Variants in UBE2L3 observed in about 807,000 individuals in gnomAD.
UBE2L3 encodes ubiquitin-conjugating enzyme E2 L3.
UBE2L3 carries 1 observed loss-of-function variant against 17.8 expected under a neutral mutation model. The ratio of observed to expected loss-of-function variants is 0.06; its 90% CI spans 0.02 to 0.27. UBE2L3 has a LOEUF of 0.27. Ranked by LOEUF, UBE2L3 falls within the 10% of genes least tolerant of loss-of-function variation. UBE2L3 has a pLI of 1.00. For synonymous variants in UBE2L3, 44 were observed against 68.5 expected (o/e 0.64, Z 1.76); for missense variants, 40 against 192.6 (o/e 0.21, Z 4.69).
At chr22:21,601,815 CA>C (rs1928875065) in intron 2 of UBE2L3, among the ~76,000 whole-genome samples, 2 of 151,066 alleles carry the variant, frequency 1.3e-5, no homozygotes, top group Admixed American at 1.3e-4. Flanking sequence ...ACTAAAAATA[CA>C]AAAAAATTAG....
At chr22:21,621,235 TAGGTC>T (rs961111309) in intron 3 of UBE2L3, among the ~76,000 whole-genome samples, 5 of 152,160 alleles carry the variant, frequency 3.3e-5, no homozygotes, top group African/African-American at 1.2e-4. Flanking sequence ...CCCCAGGTGT[TAGGTC>T]AGGAAGGCTT....
rs1930079725 is a variant in UBE2L3, at chr22:21,622,452, G to A, written c.*783G>A. 6.5e-6 allele frequency: 1 copy of A among 152,836 alleles called. No individual in the cohort carries two copies. Among genetic ancestry groups the A allele is most frequent in the Non-Finnish European group, 1.5e-5 (1 of 68,090 alleles). The allele number at this position is 152,836 out of a possible 1,614,324, so 9.5% of individuals were successfully genotyped here. A position where few individuals can be genotyped will look rare whatever the true frequency, so the allele number is the denominator to read the frequency against. ...TAGTCAGGAGGATGCTGTGCACACT[G>A]TGTGTGATGAATCTCGCCAGAAAGG... On this transcript the variant is annotated 3_prime_UTR_variant, in exon 4 of 4. Transcript: ENST00000342192.
upstream of UBE2L3, among the ~76,000 whole-genome samples, chr22:21,566,338 C>T (rs372574444): frequency 8.2e-4 from 125 of 152,064 alleles, no homozygotes; most frequent in African/African-American, 3.0e-3. Flanking sequence ...AATCCCACCA[C>T]TTTGGGAGGT....
intron 1 of UBE2L3, among the ~76,000 whole-genome samples, chr22:21,590,807 T>A (rs5749502): frequency 0.19 from 28,422 of 152,130 alleles, 3,478 homozygotes; most frequent in East Asian, 0.41. Flanking sequence ...TGGAACTGTA[T>A]TTATAGAAAA....
At chr22:21,612,357 C>T (rs1221146918) in intron 3 of UBE2L3, among the ~76,000 whole-genome samples, 3 of 152,068 alleles carry the variant, frequency 2.0e-5, no homozygotes, top group Non-Finnish European at 2.9e-5. Flanking sequence ...AACGGAGTCT[C>T]GCTCTGTCAC....
intron 3 of UBE2L3, among the ~76,000 whole-genome samples, chr22:21,619,437 C>A (rs894914434): frequency 2.6e-5 from 4 of 152,100 alleles, no homozygotes; most frequent in Non-Finnish European, 5.9e-5. Flanking sequence ...TGCCCATCCA[C>A]CCCCAACAAA....
chr22:21,582,700 A>G (rs1471766679), intron 1 of UBE2L3, among the ~76,000 whole-genome samples: 1 of 151,504 alleles, frequency 6.6e-6, no homozygotes, highest in Non-Finnish European at 1.5e-5. Context: ...TAATTTTTGT[A>G]TTTTTAGTAG....
intron 2 of UBE2L3, among the ~76,000 whole-genome samples, chr22:21,603,007 A>AC (rs1319292775): frequency 6.6e-6 from 1 of 152,092 alleles, no homozygotes; most frequent in African/African-American, 2.4e-5. Flanking sequence ...GTGTTAGGGG[A>AC]CCAGGAGGGG....
chr22:21,616,622 A>T (rs1353026931), intron 3 of UBE2L3, among the ~76,000 whole-genome samples: 2 of 151,258 alleles, frequency 1.3e-5, no homozygotes, highest in African/African-American at 4.9e-5. Flanking sequence ...ACTGCACTCC[A>T]GCCTGGGTGA....
At chr22:21,564,771 T>C (rs560824838), upstream of UBE2L3, among the ~76,000 whole-genome samples, 21 of 152,306 alleles carry the variant, frequency 1.4e-4, no homozygotes, top group Non-Finnish European at 2.5e-4. Flanking sequence ...TCCGTAATTC[T>C]CCACAGAGGA....
chr22:21,618,303 C>A (rs563691478), intron 3 of UBE2L3, among the ~76,000 whole-genome samples: 3 of 151,816 alleles, frequency 2.0e-5, no homozygotes, highest in African/African-American at 7.3e-5. Context: ...CAGTGGCTCA[C>A]GCCTGTAATC....
Position 21,603,251 on chromosome 22 carries a change from G to C in UBE2L3, c.124-7606G>C, listed in dbSNP as rs1026934730. On this transcript the variant is annotated intron_variant, in intron 2 of 3. Coordinates refer to ENST00000342192, the MANE Select transcript of UBE2L3 (RefSeq NM_003347.4). The stretch of plus-strand genomic sequence containing the variant: ...TTCTTTATAAATAGCAAGTGGGCCG[G>C]GTGCGGTGGCTCACACCTGTAATCC... Among the ~76,000 whole-genome samples the C allele has an allele frequency of 2.6e-5, 4 of 152,120 alleles. 1 individual carries two copies. Among genetic ancestry groups the C allele is most frequent in the South Asian group, 4.1e-4 (2 of 4,826 alleles).
chr22:21,588,942 G>A (rs368508681), intron 1 of UBE2L3, among the ~76,000 whole-genome samples: 8 of 152,192 alleles, frequency 5.3e-5, no homozygotes, highest in African/African-American at 2.4e-5. Flanking sequence ...GATTACAGGC[G>A]TGAGCCACTG....
upstream of UBE2L3, among the ~76,000 whole-genome samples, chr22:21,567,257 G>T (rs974598404): frequency 6.6e-6 from 1 of 151,992 alleles, no homozygotes; most frequent in African/African-American, 2.4e-5. Context: ...TCTGCCTCCC[G>T]GGTTCAAGCG....
intron 2 of UBE2L3, among the ~76,000 whole-genome samples, chr22:21,598,687 C>T (rs538190897): frequency 1.3e-5 from 2 of 151,416 alleles, no homozygotes; most frequent in African/African-American, 4.9e-5. Context: ...AGCAGGACCC[C>T]GTCTCTATTT....
rs138725780 is a variant in UBE2L3, at chr22:21,614,696, A to G, written c.310+3653A>G. ...CATAATGGAAGAAATAGTAATATGA[A>G]AAGATGCTCATATGACCCAGCAATT... is the stretch of plus-strand genomic sequence containing the variant. On this transcript the variant is annotated intron_variant, in intron 3 of 3. Coordinates refer to ENST00000342192, the MANE Select transcript of UBE2L3 (RefSeq NM_003347.4). The G allele has an allele frequency of 9.7e-5, 126 of 1,301,700 alleles. No individual in the cohort carries two copies. The African/African-American group carries it at 1.7e-3, about 18-fold the overall frequency. 80.6% of individuals were successfully genotyped at this position (1,301,700 alleles called of 1,614,324 possible). A position where few individuals can be genotyped will look rare whatever the true frequency, so the allele number is the denominator to read the frequency against.
chr22:21,618,342 A>G (rs1929884688), intron 3 of UBE2L3, among the ~76,000 whole-genome samples: 1 of 152,090 alleles, frequency 6.6e-6, no homozygotes. Context: ...AGGCAGGTGG[A>G]TCACGAGGTC....
At chr22:21,585,667 T>G (rs566753088) in intron 1 of UBE2L3, among the ~76,000 whole-genome samples, 2 of 152,260 alleles carry the variant, frequency 1.3e-5, no homozygotes, top group Non-Finnish European at 2.9e-5. Flanking sequence ...AGAGAGGCTT[T>G]CAATGATGAG....
intron 3 of UBE2L3, among the ~76,000 whole-genome samples, chr22:21,621,231 G>A (rs1015197335): frequency 3.3e-5 from 5 of 152,172 alleles, no homozygotes; most frequent in East Asian, 1.9e-4. Flanking sequence ...ACCTCCCCAG[G>A]TGTTAGGTCA....
Sources: allele counts gnomAD v4.1 joint callset (sites outside exome capture counted in the v4.1 genomes callset), GRCh38; gene constraint gnomAD v4.1.1; transcripts MANE v1.5; gene names NCBI Gene and HGNC (gene_info 2026-07-23, HGNC 2026-07-21).